The following MB21D2 variants were observed in gnomAD, a reference collection of about 807,000 sequenced individuals.
The protein encoded by MB21D2 is Mab-21 domain containing 2, also known as nucleotidyltransferase MB21D2.
In MB21D2, 9 loss-of-function variants were observed where a neutral mutation model predicts 33.3. The observed-to-expected ratio is 0.27, with a 90% CI of 0.16 to 0.47. The LOEUF (loss-of-function observed/expected upper bound fraction) is 0.47. Among genes scored for constraint, MB21D2 ranks in the 20% least tolerant of loss-of-function variants. MB21D2 has a pLI of 0.99. For synonymous variants in MB21D2, 241 were observed against 236.3 expected, an observed-to-expected ratio of 1.02 and a Z score of -0.18; for missense variants, 540 against 624.6, an observed-to-expected ratio of 0.86 and a Z score of 1.44.
At chr3:192,902,137 T>C (rs747024605) in intron 1 of MB21D2, among the ~76,000 whole-genome samples, 9 of 152,174 alleles carry the variant, frequency 5.9e-5, no homozygotes, top group African/African-American at 1.2e-4. Flanking sequence ...GGCCAACTGA[T>C]AGAGTGAAAA....
intron 1 of MB21D2, among the ~76,000 whole-genome samples, chr3:192,802,457 C>G (rs957903070): frequency 6.6e-6 from 1 of 152,142 alleles, no homozygotes; most frequent in Non-Finnish European, 1.5e-5. Context: ...ACCTACTACC[C>G]AAACAAAAAC....
intron 1 of MB21D2, among the ~76,000 whole-genome samples, chr3:192,901,788 A>G (rs1425239059): frequency 6.6e-6 from 1 of 152,196 alleles, no homozygotes; most frequent in Admixed American, 6.5e-5. Flanking sequence ...CTAAAAATAC[A>G]TTTGGCATCT....
In MB21D2 at chr3:192,823,654, T is replaced by TA. The variant is rs1039179487; in HGVS notation, c.212-24005dup. Among the ~76,000 whole-genome samples, 22 of 151,056 alleles carry TA rather than the reference T, an allele frequency of 1.5e-4. No homozygotes were observed. In the South Asian group the frequency reaches 2.1e-3, roughly 14 times the overall value. ...TGGGAAACAAGAGTGGAACTCCATT[T>TA]AAAAAAAAACACCCTTCTCCAAAAT... On this transcript the variant is annotated intron_variant, in intron 1 of 1. Transcript: ENST00000392452.
chr3:192,811,427 C>T (rs1711785119), intron 1 of MB21D2, among the ~76,000 whole-genome samples: 2 of 152,112 alleles, frequency 1.3e-5, no homozygotes, highest in African/African-American at 4.8e-5. Flanking sequence ...GATGACATTA[C>T]ATTTCATATG....
At chr3:192,860,089 T>C (rs1435645342) in intron 1 of MB21D2, among the ~76,000 whole-genome samples, 2 of 152,192 alleles carry the variant, frequency 1.3e-5, no homozygotes, top group Non-Finnish European at 2.9e-5. Flanking sequence ...GCAATTCACC[T>C]GGGGTGGTGT....
In MB21D2 at chr3:192,808,961, C is replaced by T. The variant is rs556621774; in HGVS notation, c.212-9311G>A. 1.7e-3 allele frequency among the ~76,000 whole-genome samples: 259 copies of T among 152,146 alleles called. 1 individual carries two copies. Among genetic ancestry groups the T allele is most frequent in the African/African-American group, 5.9e-3 (243 of 41,378 alleles). On this transcript the variant is annotated intron_variant, in intron 1 of 1. Coordinates refer to ENST00000392452, the MANE Select transcript of MB21D2 (RefSeq NM_178496.4). ...GAGTTTATAGTACACATTTGAAGTA[C>T]ATACATCTCATGACAAGGACTCTCT... is the stretch of plus-strand genomic sequence containing the variant.
At chr3:192,843,338 C>G (rs1002943599) in intron 1 of MB21D2, among the ~76,000 whole-genome samples, 1 of 152,092 alleles carries the variant, frequency 6.6e-6, no homozygotes, top group Non-Finnish European at 1.5e-5. Flanking sequence ...GTGGAATGCT[C>G]ATCAGCTTTC....
chr3:192,821,700 T>C (rs1320121349), intron 1 of MB21D2, among the ~76,000 whole-genome samples: 2 of 152,256 alleles, frequency 1.3e-5, no homozygotes. Context: ...AGAACAACAT[T>C]CTTAACGCAG....
chr3:192,833,433 A>T (rs546941811), intron 1 of MB21D2, among the ~76,000 whole-genome samples: 3 of 152,358 alleles, frequency 2.0e-5, no homozygotes, highest in Non-Finnish European at 4.4e-5. Context: ...AACAAAACAA[A>T]AACAAAAAAC....
rs1307153096 is a variant in MB21D2 at position 192,916,443 on chromosome 3, T to C, written c.211+1187A>G. On this transcript the variant is annotated intron_variant, in intron 1 of 1. Transcript: ENST00000392452. ...AAGAGAAAAGCCCTGTCTTAGTCTG[T>C]GGCCAAAAGACCTTTCCCAATCAAA... Among the ~76,000 whole-genome samples the C allele has an allele frequency of 1.3e-5, 2 of 152,214 alleles. 1 individual carries two copies. The highest frequency in any genetic ancestry group is 2.9e-5 in the Non-Finnish European group (2 of 68,044).
At chr3:192,862,724 C>T (rs1443188513) in intron 1 of MB21D2, among the ~76,000 whole-genome samples, 2 of 152,146 alleles carry the variant, frequency 1.3e-5, no homozygotes, top group Admixed American at 6.6e-5. Context: ...GAAAGTCGGA[C>T]GCGGACATAC....
chr3:192,845,431 G>A (rs1317645307), intron 1 of MB21D2, among the ~76,000 whole-genome samples: 2 of 152,214 alleles, frequency 1.3e-5, no homozygotes, highest in African/African-American at 2.4e-5. Context: ...CAATTCCCAT[G>A]AAGAAGTGTT....
chr3:192,898,655 TAAA>T (rs1318275043), intron 1 of MB21D2, among the ~76,000 whole-genome samples: 1 of 151,832 alleles, frequency 6.6e-6, no homozygotes, highest in Non-Finnish European at 1.5e-5. Flanking sequence ...TTCAGGCAAT[TAAA>T]AAAAAGACAG....
chr3:192,798,890 G>A lies in MB21D2; in HGVS notation c.972C>T (p.Pro324=), dbSNP rs770437710. The A allele has an allele frequency of 6.2e-7, 1 of 1,613,602 alleles. No individual in the cohort carries two copies. The highest frequency in any genetic ancestry group is 8.5e-7 in the Non-Finnish European group (1 of 1,179,798). ...GCAGGTGATAGGGGCTAATAGCCTT[G>A]GGCCGGGACAGCAGTTTAATGATGA... ...KAIIIKLLSR[P]KAISPYHLRS... is the part of the protein sequence containing the mutation. Residue 324 remains proline, a synonymous_variant, in exon 2 of 2, where the codon CCC becomes CCT. Coordinates refer to ENST00000392452, the MANE Select transcript of MB21D2 (RefSeq NM_178496.4). This position sits in a 1 kb window ranked among gnomAD's most constrained non-coding sequence, Gnocchi z 4.8.
chr3:192,837,354 T>C (rs146440385), intron 1 of MB21D2, among the ~76,000 whole-genome samples: 5 of 152,272 alleles, frequency 3.3e-5, no homozygotes, highest in African/African-American at 9.6e-5. Flanking sequence ...GCCACAGCAC[T>C]GGAACATGTC....
At chr3:192,908,962 A>G (rs1714271836) in intron 1 of MB21D2, among the ~76,000 whole-genome samples, 1 of 152,078 alleles carries the variant, frequency 6.6e-6, no homozygotes, top group African/African-American at 2.4e-5. Context: ...TCAGTATTAA[A>G]ATACAAAATG....
chr3:192,823,121 T>C (rs570026767), intron 1 of MB21D2, among the ~76,000 whole-genome samples: 89 of 152,210 alleles, frequency 5.8e-4, no homozygotes, highest in Non-Finnish European at 1.1e-3. Flanking sequence ...TAAATACACA[T>C]CTAAATTATT....
chr3:192,812,104 G>A (rs1051151416), intron 1 of MB21D2, among the ~76,000 whole-genome samples: 10 of 152,046 alleles, frequency 6.6e-5, no homozygotes, highest in African/African-American at 1.9e-4. Flanking sequence ...CTGGAGGGTA[G>A]TGGCACAATC....
intron 1 of MB21D2, among the ~76,000 whole-genome samples, chr3:192,813,614 C>T (rs1711839579): frequency 6.6e-6 from 1 of 152,112 alleles, no homozygotes; most frequent in Admixed American, 6.5e-5. Context: ...ATGAACAGCT[C>T]TAGAATTCTC....
Sources: gnomAD v4.1 joint callset for allele counts (sites outside exome capture counted in the v4.1 genomes callset) on GRCh38, gnomAD v4.1.1 for gene constraint, Gnocchi (gnomAD v3.1) non-coding constraint, MANE v1.5 for transcripts, NCBI Gene and HGNC (gene_info 2026-07-23, HGNC 2026-07-21) for gene names.